Variants in ADGRL2 observed in about 807,000 individuals in gnomAD.
ADGRL2 encodes calcium-independent alpha-latrotoxin receptor 2.
ADGRL2 carries 44 observed loss-of-function variants against 157.4 expected under a neutral mutation model. That is an observed-to-expected ratio of 0.28 (90% CI 0.22 to 0.36). The LOEUF is 0.36. Ranked by LOEUF, ADGRL2 falls within the 10% of genes least tolerant of loss-of-function variation. ADGRL2 has a pLI of 1.00. For synonymous variants in ADGRL2, 585 were observed against 624.7 expected, an observed-to-expected ratio of 0.94 and a Z score of 0.95; for missense variants, 1,510 against 1,768.9, an observed-to-expected ratio of 0.85 and a Z score of 2.63.
chr1:81,797,013 G>A (rs954926465), upstream of ADGRL2, among the ~76,000 whole-genome samples: 2 of 152,100 alleles, frequency 1.3e-5, no homozygotes, highest in African/African-American at 4.8e-5. Flanking sequence ...GCATGGCAAG[G>A]CAAAAATTGA....
rs1361368340 is a variant in ADGRL2, at chr1:81,966,050, T to C, written c.2018-8T>C. 6.2e-7 allele frequency: 1 copy of C among 1,613,416 alleles called. No individual in the cohort carries two copies. The highest frequency in any genetic ancestry group is 8.5e-7 in the Non-Finnish European group (1 of 1,179,618). On this transcript the variant is annotated splice_region_variant and splice_polypyrimidine_tract_variant and intron_variant, in intron 11 of 23. Transcript: ENST00000686636. ...TTCCCCACCTCCTTTATCTTTTCCC[T>C]CATCCAGTCCTGGAAGTTGCCGTAC...
At chr1:81,766,278 CAG>C (rs2086113508) in intron 2 of ADGRL2, among the ~76,000 whole-genome samples, 1 of 152,154 alleles carries the variant, frequency 6.6e-6, no homozygotes, top group African/African-American at 2.4e-5. Flanking sequence ...CCTTTGAAGA[CAG>C]AATATCTTTC....
rs1457080404 is a variant in ADGRL2 at position 81,624,035 on chromosome 1, G to A, written c.-143+43055G>A. Among the ~76,000 whole-genome samples, 6 of 152,116 alleles carry A rather than the reference G, an allele frequency of 3.9e-5. No individual in the cohort carries two copies. In the South Asian group the frequency reaches 1.2e-3, roughly 32 times the overall value. ...CGTGAGGATGGAGGCAAAGATTGGA[G>A]CAATGCAGCAGTAAGCCCAGGAGTA... On this transcript the variant is annotated intron_variant, in intron 3 of 24. Coordinates refer to the ADGRL2 transcript ENST00000370721.
intron 2 of ADGRL2, among the ~76,000 whole-genome samples, chr1:81,511,653 A>AC: frequency 1.3e-5 from 2 of 152,104 alleles, no homozygotes; most frequent in African/African-American, 4.8e-5. Flanking sequence ...AGTTTGTTTG[A>AC]TATGATTCTA....
intron 3 of ADGRL2, among the ~76,000 whole-genome samples, chr1:81,630,007 AAT>A (rs200472541): frequency 8.6e-5 from 13 of 151,304 alleles, no homozygotes; most frequent in African/African-American, 1.9e-4. Flanking sequence ...TGTATATATG[AAT>A]ATATATATAT....
intron 1 of ADGRL2, among the ~76,000 whole-genome samples, chr1:81,706,238 T>A (rs115491070): frequency 0.021 from 2,786 of 134,832 alleles, 37 homozygotes; most frequent in South Asian, 0.059. Flanking sequence ...AATAAAAAAA[T>A]TTTTTTAAAA....
At chr1:81,313,133 A>G (rs958012175) in intron 1 of ADGRL2, among the ~76,000 whole-genome samples, 5 of 152,200 alleles carry the variant, frequency 3.3e-5, no homozygotes, top group Non-Finnish European at 7.3e-5. Context: ...TCAAATTTAT[A>G]GTACCCTGGA....
At chr1:81,923,749 C>T (rs1245020062) in intron 3 of ADGRL2, among the ~76,000 whole-genome samples, 1 of 152,060 alleles carries the variant, frequency 6.6e-6, no homozygotes, top group Non-Finnish European at 1.5e-5. Flanking sequence ...TTGCCATAAA[C>T]AAGACTAGGC....
At chr1:81,536,501 A>G (rs1379060530) in intron 2 of ADGRL2, among the ~76,000 whole-genome samples, 5 of 152,200 alleles carry the variant, frequency 3.3e-5, no homozygotes, top group Admixed American at 6.5e-5. Context: ...AGCTAAAACA[A>G]AGCACTGAAA....
At chr1:81,873,929 C>G (rs1410845542) in intron 2 of ADGRL2, among the ~76,000 whole-genome samples, 1 of 151,982 alleles carries the variant, frequency 6.6e-6, no homozygotes, top group East Asian at 1.9e-4. Context: ...GTACAAAGGT[C>G]TCTAATTATA....
chr1:81,581,480 A>G (rs2080905824), intron 3 of ADGRL2, among the ~76,000 whole-genome samples: 1 of 152,204 alleles, frequency 6.6e-6, no homozygotes, highest in South Asian at 2.1e-4. Context: ...AGTAATGTGG[A>G]TATCTTTACT....
chr1:81,636,385 G>A (rs1272167201), intron 3 of ADGRL2, among the ~76,000 whole-genome samples: 2 of 151,918 alleles, frequency 1.3e-5, no homozygotes, highest in East Asian at 3.9e-4. Flanking sequence ...ATATCTTATG[G>A]AGTAACATGG....
At chr1:81,695,498 C>T (rs1416656810), upstream of ADGRL2, among the ~76,000 whole-genome samples, 1 of 152,138 alleles carries the variant, frequency 6.6e-6, no homozygotes, top group Non-Finnish European at 1.5e-5. Flanking sequence ...CTTGGATTAG[C>T]ACACGGCTGA....
At position 81,795,331 on chromosome 1, in the gene ADGRL2, G is replaced by A. The variant is rs192056731; in HGVS notation, c.-101+33479G>A. 3.9e-4 allele frequency among the ~76,000 whole-genome samples: 59 copies of A among 152,246 alleles called. 2 individuals are homozygous for A. In the East Asian group the frequency reaches 8.1e-3, roughly 21 times the overall value. On this transcript the variant is annotated intron_variant, in intron 2 of 20. Coordinates refer to the ADGRL2 transcript ENST00000359929. ...GAAGGTCAATGCTGCAGTGAGCCATGATTGTGCTACTACACTCCAGCCCAA... is the reference window on the plus strand; with the variant it reads ...GAAGGTCAATGCTGCAGTGAGCCATAATTGTGCTACTACACTCCAGCCCAA...
rs563284655 is a variant in ADGRL2, at chr1:81,740,367, A to T, written c.-142-21444A>T. ...TCTGGCATCCTTGAATATAATTTCTAGTTTATTTAGTAGCCATGTCTGAAA... is the reference window on the plus strand; with the variant it reads ...TCTGGCATCCTTGAATATAATTTCTTGTTTATTTAGTAGCCATGTCTGAAA... On this transcript the variant is annotated intron_variant, in intron 1 of 20. Transcript: ENST00000359929. Among the ~76,000 whole-genome samples, 5 of 152,314 alleles carry T rather than the reference A, an allele frequency of 3.3e-5. No individual in the cohort carries two copies. In the South Asian group the frequency reaches 8.3e-4, roughly 25 times the overall value.
intron 1 of ADGRL2, among the ~76,000 whole-genome samples, chr1:81,350,388 A>G (rs1281880791): frequency 6.6e-6 from 1 of 152,222 alleles, no homozygotes; most frequent in African/African-American, 2.4e-5. Context: ...CATTTGTAAA[A>G]GAGTTGTGTT....
At chr1:81,822,615 C>T (rs904903141) in intron 1 of ADGRL2, among the ~76,000 whole-genome samples, 2 of 152,024 alleles carry the variant, frequency 1.3e-5, no homozygotes, top group African/African-American at 4.8e-5. Flanking sequence ...TAGGCTCTAG[C>T]TATCCTCCCG....
intron 1 of ADGRL2, among the ~76,000 whole-genome samples, chr1:81,827,871 T>G (rs2091633091): frequency 6.6e-6 from 1 of 152,182 alleles, no homozygotes; most frequent in African/African-American, 2.4e-5. Context: ...GGCCTGAAAC[T>G]CTAATTTGTT....
intron 2 of ADGRL2, among the ~76,000 whole-genome samples, chr1:81,462,609 G>A (rs1212412469): frequency 6.6e-6 from 1 of 152,098 alleles, no homozygotes; most frequent in Non-Finnish European, 1.5e-5. Context: ...AGTGTGGTCC[G>A]ATTTTTACTC....
Sources: gnomAD v4.1 joint callset for allele counts (sites outside exome capture counted in the v4.1 genomes callset) on GRCh38, gnomAD v4.1.1 for gene constraint, MANE v1.5 for transcripts, NCBI Gene and HGNC (gene_info 2026-07-23, HGNC 2026-07-21) for gene names.